The following RPP38 variants were observed in gnomAD, a reference collection of about 807,000 sequenced individuals.
RPP38 encodes ribonuclease P protein subunit p38.
Under a neutral mutation model 1.7 loss-of-function variants are expected in RPP38, and 2 were observed. The ratio of observed to expected loss-of-function variants is 1.18; its 90% CI spans 0.48 to 3.70. RPP38 has a LOEUF of 3.70. Ranked by LOEUF, RPP38 falls within the 30% of genes most tolerant of loss-of-function variation. The pLI is 0.07. For synonymous variants in RPP38, 151 were observed against 131.8 expected, an observed-to-expected ratio of 1.15 and a Z score of -1.00; for missense variants, 358 against 340.1, an observed-to-expected ratio of 1.05 and a Z score of -0.41.
intron 1 of RPP38, among the ~76,000 whole-genome samples, chr10:15,101,186 A>G (rs1032260993): frequency 3.9e-5 from 6 of 152,236 alleles, no homozygotes; most frequent in African/African-American, 1.4e-4. Flanking sequence ...TAATGCACAC[A>G]TTGGGGGATT....
chr10:15,099,981 C>T (rs1239345216), intron 1 of RPP38, among the ~76,000 whole-genome samples: 4 of 152,192 alleles, frequency 2.6e-5, no homozygotes. Context: ...CCTTGATCTA[C>T]AGGCAGCAGA....
At chr10:15,099,081 A>G (rs377486841) in intron 1 of RPP38, among the ~76,000 whole-genome samples, 9 of 152,248 alleles carry the variant, frequency 5.9e-5, no homozygotes, top group Admixed American at 1.3e-4. Context: ...GAGAAAAAAT[A>G]CTTAATCTTT....
rs923208180 is a variant in RPP38, at chr10:15,103,118, G to T, written c.-10-187G>T. On this transcript the variant is annotated intron_variant, in intron 2 of 2. Coordinates refer to ENST00000378197, the MANE Select transcript of RPP38 (RefSeq NM_183005.5). ...GAGGCAGGAGAATCGCTTGAACCCA[G>T]GAGGTGGAGGTTGCAGTGAGCTGAG... 1.0e-4 allele frequency: 41 copies of T among 411,544 alleles called. No homozygotes were observed. The Admixed American group carries it at 1.5e-3, about 15-fold the overall frequency. The allele number at this position is 411,544 out of a possible 1,614,324, so 25.5% of individuals were successfully genotyped here. A position where few individuals can be genotyped will look rare whatever the true frequency, so the allele number is the denominator to read the frequency against.
chr10:15,097,783 C>G lies in RPP38; in HGVS notation c.-130+17C>G, dbSNP rs923051529. 2 of 152,446 alleles carry G rather than the reference C, an allele frequency of 1.3e-5. No individual in the cohort carries two copies. Among genetic ancestry groups the G allele is most frequent in the Admixed American group, 6.5e-5 (1 of 15,288 alleles). The allele number at this position is 152,446 out of a possible 1,614,324, so 9.4% of individuals were successfully genotyped here. The stretch of plus-strand genomic sequence containing the variant: ...AGCACCAAGGTACTCGATCCAGGGG[C>G]GGCGTGCAGTGGGGAGGTGAGCTTT... On this transcript the variant is annotated intron_variant, in intron 1 of 2. Transcript: ENST00000378197.
chr10:15,102,648 A>G (rs1271181036), intron 2 of RPP38: 2 of 152,234 alleles, frequency 1.3e-5, no homozygotes, highest in Non-Finnish European at 2.9e-5. Context: ...GAATTGTACT[A>G]TGATTGCAAT....
chr10:15,099,268 G>C (rs1845047543), intron 1 of RPP38, among the ~76,000 whole-genome samples: 1 of 152,110 alleles, frequency 6.6e-6, no homozygotes, highest in Non-Finnish European at 1.5e-5. Flanking sequence ...CTTGTGCTTG[G>C]TGGGGCCTAA....
In RPP38 at chr10:15,103,999, A is replaced by G. The variant is rs768281031; in HGVS notation, c.685A>G (p.Arg229Gly). 4 of 1,614,086 alleles carry G rather than the reference A, an allele frequency of 2.5e-6. No homozygotes were observed. In the East Asian group the frequency reaches 8.9e-5, roughly 36 times the overall value. ...GACTGAACCTCTGGAAAGCCAAGAC[A>G]GAGAGCTTTTGGACACTTCATTTGA... ...LETEPLESQD[R>G]ELLDTSFEDL... Residue 229 changes from arginine (R) to glycine (G), a missense_variant, in exon 3 of 3, where the codon AGA (arginine) becomes GGA (glycine). Arg to Gly is a moderately radical substitution (Grantham distance 125). Coordinates refer to ENST00000378197, the MANE Select transcript of RPP38 (RefSeq NM_183005.5).
rs1331753957 is a variant in RPP38 at position 15,103,797 on chromosome 10, C to A, written c.483C>A (p.Val161=). 3 of 1,613,956 alleles carry A rather than the reference C, an allele frequency of 1.9e-6. No homozygotes were observed. The highest frequency in any genetic ancestry group is 1.3e-5 in the African/African-American group (1 of 75,006). Residue 161 remains valine, a synonymous_variant, in exon 3 of 3, where the codon GTC becomes GTA. Coordinates refer to ENST00000378197, the MANE Select transcript of RPP38 (RefSeq NM_183005.5). ...GCAGAAGTGTCCCTGCCTGTCAGGT[C>A]CCCCGGCTCAGTGAGAGAATCGCCC... ...SLSRSVPACQ[V]PRLSERIAPV... is the part of the protein sequence containing the mutation.
intron 2 of RPP38, chr10:15,102,698 C>A (rs1326254329): frequency 6.6e-6 from 1 of 150,488 alleles, no homozygotes; most frequent in African/African-American, 2.4e-5. Flanking sequence ...GGAATAAAGA[C>A]AAAGTCATAT....
At position 15,104,058 on chromosome 10, in the gene RPP38, C is replaced by G. The variant is rs150252368; in HGVS notation, c.744C>G (p.Asp248Glu). 2.5e-6 allele frequency: 4 copies of G among 1,613,964 alleles called. No homozygotes were observed. Among genetic ancestry groups the G allele is most frequent in the Non-Finnish European group, 3.4e-6 (4 of 1,179,986 alleles). Residue 248 changes from aspartate to glutamate, a missense_variant, in exon 3 of 3, where the codon GAC (aspartate) becomes GAG (glutamate). Coordinates refer to ENST00000378197, the MANE Select transcript of RPP38 (RefSeq NM_183005.5). Reference sequence around the variant, plus strand: ...CAAAACCTAAGAGAAAGCTTGCTGACGGTCGGCAGGCTTCTGTAACATTAC... The same window carrying G: ...CAAAACCTAAGAGAAAGCTTGCTGAGGGTCGGCAGGCTTCTGTAACATTAC... ...DLSKPKRKLADGRQASVTLQP... is the reference protein window; with the variant it reads ...DLSKPKRKLAEGRQASVTLQP...
chr10:15,104,094 A>G lies in RPP38; in HGVS notation c.780A>G (p.Lys260=). 1 of 1,605,466 alleles carries G rather than the reference A, an allele frequency of 6.2e-7. No individual in the cohort carries two copies. Residue 260 remains lysine, a synonymous_variant, in exon 3 of 3, where the codon AAA becomes AAG. Coordinates refer to ENST00000378197, the MANE Select transcript of RPP38 (RefSeq NM_183005.5). ...RQASVTLQPL[K]IKKLIPNPNK... Reference sequence around the variant, plus strand: ...CTTCTGTAACATTACAACCCCTTAAAATAAAGAAACTGATTCCAAACCCTA... The same window carrying G: ...CTTCTGTAACATTACAACCCCTTAAGATAAAGAAACTGATTCCAAACCCTA...
chr10:15,104,111 C>G lies in RPP38; in HGVS notation c.797C>G (p.Pro266Arg). ...LQPLKIKKLI[P>R]NPNKIRKPPK... ...CCCCTTAAAATAAAGAAACTGATTC[C>G]AAACCCTAATAAGATAAGGAAACCA... The change falls in exon 3 of 3, where the codon CCA becomes CGA. Residue 266 changes from proline (P) to arginine (R), a missense_variant. Physicochemically the swap from Pro to Arg is moderately radical, Grantham distance 103. Coordinates refer to ENST00000378197, the MANE Select transcript of RPP38 (RefSeq NM_183005.5). 2 of 1,593,944 alleles carry G rather than the reference C, an allele frequency of 1.3e-6. No individual in the cohort carries two copies. The highest frequency in any genetic ancestry group is 1.7e-6 in the Non-Finnish European group (2 of 1,174,474).
intron 1 of RPP38, among the ~76,000 whole-genome samples, chr10:15,099,107 G>A (rs1326609461): frequency 1.3e-5 from 2 of 152,130 alleles, no homozygotes; most frequent in Non-Finnish European, 2.9e-5. Flanking sequence ...CTGGCACATC[G>A]TGGATAATCG....
intron 2 of RPP38, 36 bp downstream of exon 2, chr10:15,102,372 G>A (rs1309857051): frequency 1.3e-5 from 2 of 151,924 alleles, no homozygotes; most frequent in African/African-American, 4.8e-5. Flanking sequence ...TGTATTTTTT[G>A]TAGAGGGTTT....
chr10:15,099,978 C>G (rs530404018), intron 1 of RPP38, among the ~76,000 whole-genome samples: 1 of 152,296 alleles, frequency 6.6e-6, no homozygotes, highest in East Asian at 1.9e-4. Context: ...TGCCCTTGAT[C>G]TACAGGCAGC....
intron 1 of RPP38, among the ~76,000 whole-genome samples, chr10:15,100,960 C>T (rs969288836): frequency 1.3e-5 from 2 of 152,180 alleles, no homozygotes; most frequent in African/African-American, 4.8e-5. Flanking sequence ...TGGTTACTGG[C>T]GTGAGCCACT....
rs1302734402 is a variant in RPP38 at position 15,103,456 on chromosome 10, C to T, written c.142C>T (p.Leu48Phe). 10 of 1,614,006 alleles carry T rather than the reference C, an allele frequency of 6.2e-6. No individual in the cohort carries two copies. The highest frequency in any genetic ancestry group is 4.5e-5 in the East Asian group (2 of 44,892). Residue 48 changes from leucine (L) to phenylalanine (F), a missense_variant, in exon 3 of 3, where the codon CTT (leucine) becomes TTT (phenylalanine). Leu to Phe is a conservative substitution (Grantham distance 22). Transcript: ENST00000378197. ...GGATATGCACTTCATCCTACAGACG[C>T]TTGAGGACAGGCTTAAAGCTATTGG... ...SEDMHFILQT[L>F]EDRLKAIGLQ...
At chr10:15,098,097 G>A (rs1262951172) in intron 1 of RPP38, among the ~76,000 whole-genome samples, 1 of 152,070 alleles carries the variant, frequency 6.6e-6, no homozygotes, top group East Asian at 1.9e-4. Flanking sequence ...CTCTGCTTTA[G>A]ATGTTAAAGT....
intron 1 of RPP38, among the ~76,000 whole-genome samples, chr10:15,100,345 TCA>T (rs1271493226): frequency 2.6e-5 from 4 of 152,128 alleles, no homozygotes; most frequent in Non-Finnish European, 5.9e-5. Context: ...TGCCAGCCCC[TCA>T]CAGTCACTGC....
Sources: gnomAD v4.1 joint callset for allele counts (sites outside exome capture counted in the v4.1 genomes callset) on GRCh38, gnomAD v4.1.1 for gene constraint, MANE v1.5 for transcripts, NCBI Gene and HGNC (gene_info 2026-07-23, HGNC 2026-07-21) for gene names.